Variants in GALNT7 observed in about 807,000 individuals in gnomAD.
The protein encoded by GALNT7 is polypeptide N-acetylgalactosaminyltransferase 7, also known as N-acetylgalactosaminyltransferase 7.
A neutral mutation model predicts 82.1 loss-of-function variants in GALNT7; 60 were observed. That is an observed-to-expected ratio of 0.73 (90% CI 0.59 to 0.91). The LOEUF is 0.91. Among genes scored for constraint, GALNT7 ranks in the 40% least tolerant of loss-of-function variants. The pLI is 0.00. For synonymous variants in GALNT7, 243 were observed against 275.1 expected (o/e 0.88, Z 1.15); for missense variants, 660 against 804.2 (o/e 0.82, Z 2.17).
intron 2 of GALNT7, among the ~76,000 whole-genome samples, chr4:173,260,942 G>A (rs1433063159): frequency 1.3e-5 from 2 of 152,122 alleles, no homozygotes; most frequent in East Asian, 1.9e-4. Context: ...ACGAGTAAAC[G>A]TTTACGAAGC....
chr4:173,309,356 G>A (rs1397475059), intron 8 of GALNT7, among the ~76,000 whole-genome samples: 1 of 152,192 alleles, frequency 6.6e-6, no homozygotes, highest in East Asian at 1.9e-4. Context: ...GTTTCTAGCT[G>A]GGGAGGACAG....
intron 1 of GALNT7, among the ~76,000 whole-genome samples, chr4:173,169,968 A>ATT: frequency 6.6e-6 from 1 of 151,978 alleles, no homozygotes; most frequent in Non-Finnish European, 1.5e-5. Flanking sequence ...CCAGGGCGCG[A>ATT]GTGTTAGCGC....
At chr4:173,244,264 C>G (rs970349986) in intron 1 of GALNT7, among the ~76,000 whole-genome samples, 2 of 152,194 alleles carry the variant, frequency 1.3e-5, no homozygotes, top group Non-Finnish European at 2.9e-5. Context: ...TGACCCCTCT[C>G]TCATGGATAG....
chr4:173,171,150 A>G (rs1444031484), intron 1 of GALNT7, among the ~76,000 whole-genome samples: 1 of 152,232 alleles, frequency 6.6e-6, no homozygotes, highest in African/African-American at 2.4e-5. Context: ...CAAGCAATTT[A>G]AAGTGTAGCT....
chr4:173,247,838 G>A, intron 1 of GALNT7, 142 bp from the exon 2 acceptor site: 3 of 593,204 alleles, frequency 5.1e-6, no homozygotes, highest in South Asian at 4.3e-5. Context: ...CTAATGGGAA[G>A]TCCTGATTAA....
intron 2 of GALNT7, among the ~76,000 whole-genome samples, chr4:173,266,337 A>T (rs79679991): frequency 0.014 from 2,162 of 152,288 alleles, 53 homozygotes; most frequent in African/African-American, 0.049. Context: ...ACTGTGAGAG[A>T]TCCCTCACTT....
rs193123666 is a variant in GALNT7, at chr4:173,208,859, G to A, written c.127-39121G>A. Among the ~76,000 whole-genome samples the A allele has an allele frequency of 4.6e-5, 7 of 152,178 alleles. No homozygotes were observed. The East Asian group carries it at 1.4e-3, about 29-fold the overall frequency. ...GTGAAACCTGCAAGTGATTCCTTTTGGTTTCCACCTTTGCCGCCATGTTTA... is the reference window on the plus strand; with the variant it reads ...GTGAAACCTGCAAGTGATTCCTTTTAGTTTCCACCTTTGCCGCCATGTTTA... On this transcript the variant is annotated intron_variant, in intron 1 of 11. Transcript: ENST00000265000.
chr4:173,216,727 A>ATATATATT (rs71244915), intron 1 of GALNT7, among the ~76,000 whole-genome samples: 2 of 12,980 alleles, frequency 1.5e-4, no homozygotes, highest in African/African-American at 5.6e-4. Context: ...ATATATATAT[A>ATATATATT]TTTTTTTTTT....
At chr4:173,300,656 G>A (rs1014250667) in intron 6 of GALNT7, among the ~76,000 whole-genome samples, 1 of 152,074 alleles carries the variant, frequency 6.6e-6, no homozygotes, top group African/African-American at 2.4e-5. Context: ...CCAGAGAGCC[G>A]GGAGAGGCTG....
chr4:173,170,754 A>G (rs933859626), intron 1 of GALNT7, among the ~76,000 whole-genome samples: 1 of 152,084 alleles, frequency 6.6e-6, no homozygotes, highest in African/African-American at 2.4e-5. Flanking sequence ...TTAACCCCCT[A>G]TTTTCTGGTA....
At chr4:173,263,229 A>C (rs1227405353) in intron 2 of GALNT7, among the ~76,000 whole-genome samples, 1 of 152,222 alleles carries the variant, frequency 6.6e-6, no homozygotes, top group Non-Finnish European at 1.5e-5. Context: ...AGAATGAAGA[A>C]GGTGAATAAT....
intron 1 of GALNT7, among the ~76,000 whole-genome samples, chr4:173,217,086 T>C (rs1733495264): frequency 6.6e-6 from 1 of 152,114 alleles, no homozygotes; most frequent in South Asian, 2.1e-4. Context: ...AATCTGGTTC[T>C]TGTTTTTTGG....
intron 1 of GALNT7, among the ~76,000 whole-genome samples, chr4:173,228,552 G>A (rs1733916363): frequency 6.6e-6 from 1 of 151,966 alleles, no homozygotes; most frequent in Non-Finnish European, 1.5e-5. Flanking sequence ...AGGCTGCAGT[G>A]AGCATTTCTG....
At chr4:173,248,683 C>T (rs1734748633) in intron 2 of GALNT7, among the ~76,000 whole-genome samples, 1 of 152,130 alleles carries the variant, frequency 6.6e-6, no homozygotes, top group South Asian at 2.1e-4. Flanking sequence ...AATATGGTCC[C>T]CAGACTGGCA....
intron 1 of GALNT7, among the ~76,000 whole-genome samples, chr4:173,179,289 AT>A (rs1732173539): frequency 6.6e-6 from 1 of 152,184 alleles, no homozygotes; most frequent in Non-Finnish European, 1.5e-5. Context: ...GTATGTCAGC[AT>A]TTTTATTTAT....
chr4:173,240,839 A>C (rs566083031), intron 1 of GALNT7, among the ~76,000 whole-genome samples: 1 of 152,310 alleles, frequency 6.6e-6, no homozygotes, highest in African/African-American at 2.4e-5. Flanking sequence ...AGAATGGTTC[A>C]AAGTTTTTCA....
intron 1 of GALNT7, among the ~76,000 whole-genome samples, chr4:173,184,479 TC>T (rs1384556383): frequency 1.3e-5 from 2 of 150,596 alleles, no homozygotes; most frequent in Non-Finnish European, 3.0e-5. Flanking sequence ...CCGCCTGCAA[TC>T]CCAGGCACTC....
chr4:173,296,141 TC>T (rs1258178425), intron 5 of GALNT7, among the ~76,000 whole-genome samples: 1 of 152,188 alleles, frequency 6.6e-6, no homozygotes, highest in Non-Finnish European at 1.5e-5. Flanking sequence ...TATGAATTGC[TC>T]CCTCTAAACT....
chr4:173,318,584 ATAT>A, intron 11 of GALNT7, 25 bp downstream of exon 11: 1 of 1,413,940 alleles, frequency 7.1e-7, no homozygotes, highest in Non-Finnish European at 1.0e-6. Context: ...AACTTCTGAA[ATAT>A]TATATGCTTT....
Sources: allele counts gnomAD v4.1 joint callset (sites outside exome capture counted in the v4.1 genomes callset), GRCh38; gene constraint gnomAD v4.1.1; transcripts MANE v1.5; gene names NCBI Gene and HGNC (gene_info 2026-07-23, HGNC 2026-07-21).